ATP7B: variants seen among roughly 807,000 people sequenced by gnomAD.
ATP7B encodes the protein copper-transporting ATPase 2.
ATP7B carries 113 observed loss-of-function variants against 118.9 expected under a neutral mutation model. The ratio of observed to expected loss-of-function variants is 0.95; its 90% CI spans 0.82 to 1.11. The LOEUF (loss-of-function observed/expected upper bound fraction) is 1.11, where lower values mean the gene tolerates loss of function less well. Ranked by LOEUF, ATP7B falls within the 50% of genes most tolerant of loss-of-function variation. The pLI is 0.00. For missense variants in ATP7B, 1,867 were observed against 1,871.4 expected (o/e 1.00, Z 0.04); for synonymous variants, 777 against 727.4 (o/e 1.07, Z -1.10).
chr13:51,993,668 C>T (rs1403263740), intron 1 of ATP7B, among the ~76,000 whole-genome samples: 1 of 152,200 alleles, frequency 6.6e-6, no homozygotes, highest in Admixed American at 6.5e-5. Context: ...TCAGACAACA[C>T]ATCAAACATA....
chr13:51,943,917 C>T (rs1957489888), intron 14 of ATP7B, among the ~76,000 whole-genome samples, 192 bp downstream of exon 14: 1 of 151,416 alleles, frequency 6.6e-6, no homozygotes, highest in Non-Finnish European at 1.5e-5. Flanking sequence ...ACTGAACTCC[C>T]TTTGTGATAA....
chr13:51,940,154 A>T (rs1957242978), intron 16 of ATP7B, among the ~76,000 whole-genome samples: 1 of 150,462 alleles, frequency 6.6e-6, no homozygotes, highest in Non-Finnish European at 1.5e-5. Flanking sequence ...CTGGGATTAG[A>T]GGCATGCGCC....
chr13:51,960,205 G>A lies in ATP7B; in HGVS notation c.2064C>T (p.Ile688=). 6.2e-7 allele frequency: 1 copy of A among 1,613,920 alleles called. No individual in the cohort carries two copies. The highest frequency in any genetic ancestry group is 8.5e-7 in the Non-Finnish European group (1 of 1,179,788). Residue 688 remains isoleucine (I), a synonymous_variant, in exon 7 of 21, where the codon ATC becomes ATT. Coordinates refer to ENST00000242839, the MANE Select transcript of ATP7B (RefSeq NM_000053.4). ...PHQSMVLDHN[I]IPGLSILNLI... The stretch of plus-strand genomic sequence containing the variant: ...GATTTAGAATGGACAGTCCTGGAAT[G>A]ATGTTGTGGTCCAGGACCATGGACT...
intron 5 of ATP7B, 112 bp downstream of exon 5, chr13:51,964,760 A>G: frequency 7.6e-7 from 1 of 1,315,126 alleles, no homozygotes; most frequent in East Asian, 2.5e-5. Flanking sequence ...GGAAAAGTTG[A>G]AGAATTTTGG....
chr13:52,002,074 A>C (rs1184154063), intron 1 of ATP7B, among the ~76,000 whole-genome samples: 1 of 152,194 alleles, frequency 6.6e-6, no homozygotes, highest in African/African-American at 2.4e-5. Flanking sequence ...CTGGGATTAG[A>C]GGTCTGAACC....
Position 51,937,522 on chromosome 13 carries a change from G to A in ATP7B, c.3857C>T (p.Thr1286Ile), listed in dbSNP as rs751483318. Residue 1286 changes from threonine to isoleucine, a missense_variant, in exon 18 of 21, where the codon ACC (threonine) becomes ATC (isoleucine). Thr to Ile is a moderately conservative substitution (Grantham distance 89). Coordinates refer to ENST00000242839, the MANE Select transcript of ATP7B (RefSeq NM_000053.4). Reference protein sequence around the residue: ...AQADMGVAIGTGTDVAIEAAD... With the variant: ...AQADMGVAIGIGTDVAIEAAD... ...TGCCTCGATGGCCACATCCGTGCCG[G>A]TGCCAATGGCCACACCCATGTCTGC... 8 of 1,614,188 alleles carry A rather than the reference G, an allele frequency of 5.0e-6. No individual in the cohort carries two copies. Among genetic ancestry groups the A allele is most frequent in the Admixed American group, 1.7e-5 (1 of 60,026 alleles).
rs1321843517 is a variant in ATP7B, at chr13:51,974,228, G to A, written c.992C>T (p.Ala331Val). ...CCTGTGATCTGTCCCACTCCCTTCG[G>A]CTCCATCAGGAAGAGAAACTTTAAA... Reference protein sequence around the residue: ...GNFKVSLPDGAEGSGTDHRSS... With the variant: ...GNFKVSLPDGVEGSGTDHRSS... The change falls in exon 2 of 21, where the codon GCC becomes GTC. Residue 331 changes from alanine to valine, a missense_variant. Physicochemically the swap from Ala to Val is moderately conservative, Grantham distance 64. Transcript: ENST00000242839. 1 of 1,614,028 alleles carries A rather than the reference G, an allele frequency of 6.2e-7. No individual in the cohort carries two copies. The highest frequency in any genetic ancestry group is 8.5e-7 in the Non-Finnish European group (1 of 1,180,002).
intron 1 of ATP7B, among the ~76,000 whole-genome samples, chr13:52,005,296 T>G (rs1184511732): frequency 2.0e-5 from 3 of 152,250 alleles, no homozygotes; most frequent in African/African-American, 4.8e-5. Flanking sequence ...CTTCTTGCAT[T>G]TTCTTATAAG....
chr13:51,990,595 T>C (rs1237227531), intron 1 of ATP7B, among the ~76,000 whole-genome samples: 2 of 152,262 alleles, frequency 1.3e-5, no homozygotes, highest in African/African-American at 4.8e-5. Context: ...ATACTACTTT[T>C]AGGAAAAACT....
chr13:51,957,222 A>G (rs906651137), intron 9 of ATP7B, among the ~76,000 whole-genome samples: 20 of 152,238 alleles, frequency 1.3e-4, no homozygotes, highest in Middle Eastern at 3.4e-3. Flanking sequence ...TTCATACTCT[A>G]TGTTCTCTGT....
At chr13:51,945,714 G>A (rs1957602111) in intron 13 of ATP7B, among the ~76,000 whole-genome samples, 1 of 152,204 alleles carries the variant, frequency 6.6e-6, no homozygotes, top group Non-Finnish European at 1.5e-5. Flanking sequence ...CTTGGCGGCT[G>A]GAAACCATGA....
intron 9 of ATP7B, 25 bp from the exon 10 acceptor site, chr13:51,950,424 C>G (rs9526811): frequency 3.7e-6 from 6 of 1,613,024 alleles, no homozygotes; most frequent in Middle Eastern, 1.8e-4. Flanking sequence ...ACTTATCACT[C>G]ACATGGCCAC....
In ATP7B at chr13:51,960,168, T is replaced by C; in HGVS notation, c.2101A>G (p.Ile701Val). The change falls in exon 7 of 21, where the codon ATC becomes GTC. Residue 701 changes from isoleucine to valine, a missense_variant. Transcript: ENST00000242839. ...TATACCTGGACAAAGGTACACAAGA[T>C]AAAGAAGATGAGATTTAGAATGGAC... Reference protein sequence around the residue: ...GLSILNLIFFILCTFVQLLGG... With the variant: ...GLSILNLIFFVLCTFVQLLGG... The C allele has an allele frequency of 1.2e-6, 2 of 1,613,896 alleles. No homozygotes were observed. The highest frequency in any genetic ancestry group is 1.1e-5 in the South Asian group (1 of 91,074).
chr13:51,945,536 C>T (rs1490304596), intron 13 of ATP7B, among the ~76,000 whole-genome samples: 1 of 152,202 alleles, frequency 6.6e-6, no homozygotes, highest in Admixed American at 6.5e-5. Context: ...CTTCCCTGAC[C>T]ACCTGCAGCA....
At chr13:51,968,680 G>C in intron 3 of ATP7B, 73 bp from the exon 4 acceptor site, 13 of 1,546,604 alleles carry the variant, frequency 8.4e-6, no homozygotes, top group Non-Finnish European at 1.1e-5. Context: ...CAATATAACC[G>C]AACAAAGAAA....
At chr13:51,940,046 C>T (rs1304596572) in intron 16 of ATP7B, among the ~76,000 whole-genome samples, 2 of 104,872 alleles carry the variant, frequency 1.9e-5, no homozygotes, top group Non-Finnish European at 3.4e-5. Context: ...GAGTTACGCT[C>T]TTGTTGCCCA....
intron 2 of ATP7B, 63 bp downstream of exon 2, chr13:51,973,872 G>A: frequency 2.5e-6 from 4 of 1,609,660 alleles, no homozygotes; most frequent in Non-Finnish European, 3.4e-6. Flanking sequence ...CACCATCCAG[G>A]AGCTATAAGA....
chr13:51,942,256 G>A (rs1957377173), intron 15 of ATP7B, 130 bp downstream of exon 15: 1 of 1,388,852 alleles, frequency 7.2e-7, no homozygotes, highest in Admixed American at 1.8e-5. Context: ...GGTGTGGGGA[G>A]GCAGGCTTGG....
chr13:51,936,008 G>A (rs1163723830), intron 19 of ATP7B, among the ~76,000 whole-genome samples: 1 of 152,246 alleles, frequency 6.6e-6, no homozygotes, highest in African/African-American at 2.4e-5. Flanking sequence ...AGTGGGAGGA[G>A]CGGGAGGAGA....
Sources: allele counts gnomAD v4.1 joint callset (sites outside exome capture counted in the v4.1 genomes callset), GRCh38; gene constraint gnomAD v4.1.1; transcripts MANE v1.5; gene names NCBI Gene and HGNC (gene_info 2026-07-23, HGNC 2026-07-21).